Variants in PMPCB observed in about 807,000 individuals in gnomAD.
PMPCB encodes peptidase, mitochondrial processing subunit beta.
PMPCB carries 46 observed loss-of-function variants against 61.5 expected under a neutral mutation model. The observed-to-expected ratio is 0.75, with a 90% confidence interval of 0.59 to 0.96. PMPCB has a LOEUF of 0.96. Ranked by LOEUF, PMPCB falls within the 40% of genes least tolerant of loss-of-function variation. The pLI, the probability that PMPCB is intolerant of heterozygous loss-of-function variation, is 0.00. For synonymous variants in PMPCB, 191 were observed against 201.6 expected (o/e 0.95, Z 0.44); for missense variants, 590 against 602.4 (o/e 0.98, Z 0.22).
At chr7:103,319,596 G>C, downstream of PMPCB, 2 of 1,613,180 alleles carry the variant, frequency 1.2e-6, no homozygotes, top group Non-Finnish European at 1.7e-6. Context: ...GGAGTGATGT[G>C]TTCCTCTATT....
At chr7:103,308,592 C>T (rs1487558522) in intron 7 of PMPCB, among the ~76,000 whole-genome samples, 1 of 152,108 alleles carries the variant, frequency 6.6e-6, no homozygotes, top group Non-Finnish European at 1.5e-5. Context: ...GCACTCCAGG[C>T]TGGGCGACAG....
chr7:103,312,866 C>T lies in PMPCB; in HGVS notation c.*595C>T. ...GAAATAAGCACTATATTATTAACCA[C>T]TTAATAGACATAAAATATGAGCTAT... On this transcript the variant is annotated 3_prime_UTR_variant, in exon 13 of 13. Coordinates refer to ENST00000249269, the MANE Select transcript of PMPCB (RefSeq NM_004279.3). The T allele has an allele frequency of 6.5e-7, 1 of 1,549,058 alleles. No homozygotes were observed. The highest frequency in any genetic ancestry group is 8.7e-7 in the Non-Finnish European group (1 of 1,154,386).
At chr7:103,298,954 T>G (rs1817371674) in intron 2 of PMPCB, among the ~76,000 whole-genome samples, 1 of 152,230 alleles carries the variant, frequency 6.6e-6, no homozygotes, top group African/African-American at 2.4e-5. Flanking sequence ...TTTTCAGTAG[T>G]ATTGATAATA....
chr7:103,346,863 T>C, the PMPCB span, among the ~76,000 whole-genome samples: 1 of 151,134 alleles, frequency 6.6e-6, no homozygotes, highest in Admixed American at 6.6e-5. Context: ...TGAGCGCGCA[T>C]GCGTGTATCA....
At chr7:103,337,496 C>A in the PMPCB span, 1 of 389,064 alleles carries the variant, frequency 2.6e-6, no homozygotes, top group Non-Finnish European at 4.6e-6. Context: ...TTTGTATCCA[C>A]ACACACACAC....
chr7:103,324,656 C>A, intron 12 of PMPCB: 1 of 1,099,752 alleles, frequency 9.1e-7, no homozygotes. Flanking sequence ...ATAATTTTTA[C>A]TAATTCCTCT....
chr7:103,312,446 TCTCTGAGAA>T lies in PMPCB; in HGVS notation c.*176_*184del. On this transcript the variant is annotated 3_prime_UTR_variant, in exon 13 of 13. Coordinates refer to ENST00000249269, the MANE Select transcript of PMPCB (RefSeq NM_004279.3). ...TTTTGTATTAATGGTCAGTCTTTGTTCTCTGAGAAATTATGTTGGAAGCAGCATACTTTC... is the reference window on the plus strand; with the variant it reads ...TTTTGTATTAATGGTCAGTCTTTGTTATTATGTTGGAAGCAGCATACTTTC... 1 of 1,522,780 alleles carries T rather than the reference TCTCTGAGAA, an allele frequency of 6.6e-7. No homozygotes were observed. The highest frequency in any genetic ancestry group is 2.4e-5 in the East Asian group (1 of 42,490). The allele number at this position is 1,522,780 out of a possible 1,614,324, so 94.3% of individuals were successfully genotyped here. A position where few individuals can be genotyped will look rare whatever the true frequency, so the allele number is the denominator to read the frequency against.
At chr7:103,318,536 G>A (rs1216702544), downstream of PMPCB, among the ~76,000 whole-genome samples, 2 of 152,034 alleles carry the variant, frequency 1.3e-5, no homozygotes, top group Non-Finnish European at 2.9e-5. Flanking sequence ...TTTACTATGG[G>A]CTCTCCATCT....
At position 103,312,200 on chromosome 7, in the gene PMPCB, T is replaced by C. The variant is rs1321906209; in HGVS notation, c.1406-7T>C. 1.9e-6 allele frequency: 3 copies of C among 1,613,882 alleles called. No homozygotes were observed. Among genetic ancestry groups the C allele is most frequent in the Non-Finnish European group, 2.5e-6 (3 of 1,179,952 alleles). ...ACTTTTAATTAACTCTTCTTTTTAA[T>C]CCTTAGGTCCCATTAAGCAACTACC... On this transcript the variant is annotated splice_polypyrimidine_tract_variant and splice_region_variant and intron_variant, in intron 12 of 12. Coordinates refer to ENST00000249269, the MANE Select transcript of PMPCB (RefSeq NM_004279.3).
downstream of PMPCB, among the ~76,000 whole-genome samples, chr7:103,333,759 T>C (rs1260748472): frequency 6.6e-6 from 1 of 152,250 alleles, no homozygotes; most frequent in Non-Finnish European, 1.5e-5. Flanking sequence ...AGTATGCCTA[T>C]GTCTGGCTTC....
At chr7:103,301,362 T>C (rs1201580200) in intron 4 of PMPCB, among the ~76,000 whole-genome samples, 1 of 152,242 alleles carries the variant, frequency 6.6e-6, no homozygotes, top group Non-Finnish European at 1.5e-5. Flanking sequence ...ATGGAGGGTA[T>C]GTTGGTTTGA....
intron 12 of PMPCB, among the ~76,000 whole-genome samples, chr7:103,321,390 C>T (rs963215157): frequency 6.6e-6 from 1 of 151,822 alleles, no homozygotes; most frequent in African/African-American, 2.4e-5. Flanking sequence ...TGGTGGCAGG[C>T]ACCTGTAATC....
In PMPCB at chr7:103,297,458, A is replaced by G; in HGVS notation, c.-2A>G. The stretch of plus-strand genomic sequence containing the variant: ...TCATCCTCTACCTTCCTTCTAGCAG[A>G]AATGGCGGCTGCGGCGGCTCGAGTG... On this transcript the variant is annotated 5_prime_UTR_variant, in exon 1 of 13. Coordinates refer to ENST00000249269, the MANE Select transcript of PMPCB (RefSeq NM_004279.3). 6.5e-7 allele frequency: 1 copy of G among 1,546,706 alleles called. No homozygotes were observed.
intron 12 of PMPCB, among the ~76,000 whole-genome samples, chr7:103,320,648 G>A (rs1818336244): frequency 6.6e-6 from 1 of 150,942 alleles, no homozygotes; most frequent in Admixed American, 6.6e-5. Flanking sequence ...GGAGGCTGAG[G>A]CAGGAGCATG....
chr7:103,319,532 T>TAA, downstream of PMPCB: 1 of 1,333,096 alleles, frequency 7.5e-7, no homozygotes, highest in Non-Finnish European at 1.1e-6. Flanking sequence ...CTTGGTGACT[T>TAA]ATATATTAGG....
At chr7:103,338,309 T>A in the PMPCB span, among the ~76,000 whole-genome samples, 7 of 150,966 alleles carry the variant, frequency 4.6e-5, no homozygotes, top group Non-Finnish European at 8.9e-5. Flanking sequence ...TTTATTTTAT[T>A]TTTTTGAGAC....
chr7:103,323,707 A>T (rs1043476124), intron 12 of PMPCB: 1 of 1,285,070 alleles, frequency 7.8e-7, no homozygotes, highest in Non-Finnish European at 1.0e-6. Flanking sequence ...AGAATAAATG[A>T]AAAAAAATTC....
chr7:103,313,412 T>A lies in PMPCB; in HGVS notation c.*1141T>A, dbSNP rs1817870059. ...AGACTGGTAAAAAGCCATATTTAAA[T>A]TTATAGTACTGTTGGACTCTTGGAC... On this transcript the variant is annotated 3_prime_UTR_variant, in exon 13 of 13. Coordinates refer to ENST00000249269, the MANE Select transcript of PMPCB (RefSeq NM_004279.3). 1 of 983,752 alleles carries A rather than the reference T, an allele frequency of 1.0e-6. No homozygotes were observed. Among genetic ancestry groups the A allele is most frequent in the African/African-American group, 1.7e-5 (1 of 57,206 alleles). The allele number at this position is 983,752 out of a possible 1,614,324, so 60.9% of individuals were successfully genotyped here.
At position 103,303,923 on chromosome 7, in the gene PMPCB, G is replaced by A. The variant is rs775364630; in HGVS notation, c.539G>A (p.Arg180Lys). 1 of 1,613,716 alleles carries A rather than the reference G, an allele frequency of 6.2e-7. No homozygotes were observed. The highest frequency in any genetic ancestry group is 8.5e-7 in the Non-Finnish European group (1 of 1,179,624). The change falls in exon 5 of 13, where the codon AGA becomes AAA. Residue 180 changes from arginine to lysine, a missense_variant. Arg to Lys is a conservative substitution (Grantham distance 26, BLOSUM62 2). Transcript: ENST00000249269. ...GAACGTGAGCGTGGAGTAATCCTTA[G>A]AGAGATGCAGGAAGTTGAAACCAAT... ...EIERERGVIL[R>K]EMQEVETNLQ...
Sources: allele counts gnomAD v4.1 joint callset (sites outside exome capture counted in the v4.1 genomes callset), GRCh38; gene constraint gnomAD v4.1.1; transcripts MANE v1.5; gene names NCBI Gene and HGNC (gene_info 2026-07-23, HGNC 2026-07-21).